ABCC5: variants seen among roughly 807,000 people sequenced by gnomAD.
The protein encoded by ABCC5 is ATP-binding cassette sub-family C member 5.
In ABCC5, 61 loss-of-function variants were observed where a neutral mutation model predicts 160.9. That is an observed-to-expected ratio of 0.38 (90% confidence interval 0.31 to 0.47). The LOEUF is 0.47. ABCC5 is among the 20% of genes least tolerant of loss of function. The pLI, the probability that ABCC5 is intolerant of heterozygous loss-of-function variation, is 0.99. For missense variants in ABCC5, 1,308 were observed against 1,813.3 expected (o/e 0.72, Z 5.06); for synonymous variants, 666 against 700.6 (o/e 0.95, Z 0.78).
intron 10 of ABCC5, among the ~76,000 whole-genome samples, chr3:183,976,081 C>A (rs1718188957): frequency 6.7e-6 from 1 of 149,748 alleles, no homozygotes; most frequent in African/African-American, 2.5e-5. Flanking sequence ...CATTTTTTTT[C>A]ATATGACTCA....
chr3:183,978,370 C>A, intron 9 of ABCC5, 133 bp downstream of exon 9: 1 of 1,014,562 alleles, frequency 9.9e-7, no homozygotes, highest in Non-Finnish European at 1.4e-6. Context: ...GCTCTGTCCC[C>A]CAGGCTGGAG....
chr3:183,924,309 C>T (rs952820648), intron 29 of ABCC5, among the ~76,000 whole-genome samples: 8 of 152,120 alleles, frequency 5.3e-5, no homozygotes, highest in Admixed American at 1.3e-4. Flanking sequence ...CATGAGCCAC[C>T]GTGCCCGGCC....
chr3:183,936,964 A>G (rs1156316263), intron 26 of ABCC5, among the ~76,000 whole-genome samples: 1 of 152,234 alleles, frequency 6.6e-6, no homozygotes, highest in African/African-American at 2.4e-5. Context: ...GAAGGATTTT[A>G]TCTCTGGCAA....
intron 8 of ABCC5, among the ~76,000 whole-genome samples, chr3:183,980,867 C>T (rs772564118): frequency 4.6e-5 from 7 of 152,040 alleles, no homozygotes; most frequent in Non-Finnish European, 1.0e-4. Context: ...CATGCACCAC[C>T]ACACCCAGCT....
At position 183,928,717 on chromosome 3, in the gene ABCC5, A is replaced by C. The variant is rs767707332; in HGVS notation, c.3933+30T>G. On this transcript the variant is annotated intron_variant, in intron 27 of 29. Transcript: ENST00000334444. ...GCTGTGCTTCCACCCTCACCATCTCAGCACGGCTTCCCCTAAGCTCTTCAC... is the reference window on the plus strand; with the variant it reads ...GCTGTGCTTCCACCCTCACCATCTCCGCACGGCTTCCCCTAAGCTCTTCAC... The C allele has an allele frequency of 4.4e-6, 7 of 1,604,944 alleles. No individual in the cohort carries two copies. In the South Asian group the frequency reaches 7.7e-5, roughly 18 times the overall value.
rs1189110337 is a variant in ABCC5, at chr3:183,958,007, C to T, written c.2482+1726G>A. Among the ~76,000 whole-genome samples, 4 of 151,448 alleles carry T rather than the reference C, an allele frequency of 2.6e-5. 1 individual carries two copies. Among genetic ancestry groups the T allele is most frequent in the South Asian group, 4.2e-4 (2 of 4,808 alleles). On this transcript the variant is annotated intron_variant, in intron 17 of 29. Transcript: ENST00000334444. ...ACATCACATCGGTTACATGCAGATC[C>T]GTGTGTACATCACATCGGTTACATG...
chr3:183,976,021 C>T (rs974547393), intron 10 of ABCC5, among the ~76,000 whole-genome samples: 5 of 151,870 alleles, frequency 3.3e-5, no homozygotes, highest in African/African-American at 9.7e-5. Flanking sequence ...CTTTCATCCA[C>T]GACTGGTTAT....
chr3:183,980,957 C>T (rs1172372500), intron 8 of ABCC5, among the ~76,000 whole-genome samples: 1 of 152,070 alleles, frequency 6.6e-6, no homozygotes, highest in Non-Finnish European at 1.5e-5. Context: ...AGGTGATCCA[C>T]GTAACTCAGC....
In ABCC5 at chr3:184,014,169, G is replaced by A. The variant is rs867664012; in HGVS notation, c.129+95C>T. ...TTTATAGGCGTGAGCCACCGCGCCC[G>A]GCCAAAAAATAAGTTTCTAAATTAC... On this transcript the variant is annotated intron_variant, in intron 2 of 29. Coordinates refer to ENST00000334444, the MANE Select transcript of ABCC5 (RefSeq NM_005688.4). 53 of 1,267,222 alleles carry A rather than the reference G, an allele frequency of 4.2e-5. 1 individual carries two copies. In the Middle Eastern group the frequency reaches 6.5e-3, roughly 156 times the overall value. 78.5% of individuals were successfully genotyped at this position (1,267,222 alleles called of 1,614,324 possible). A position where few individuals can be genotyped will look rare whatever the true frequency, so the allele number is the denominator to read the frequency against.
At chr3:183,976,814 A>G (rs3792582) in intron 10 of ABCC5, among the ~76,000 whole-genome samples, 34,865 of 152,142 alleles carry the variant, frequency 0.23, 4,940 homozygotes, top group Middle Eastern at 0.33. Flanking sequence ...CAGTGGCAAC[A>G]TCAAGGAATT....
At chr3:183,995,979 T>C (rs1385320392) in intron 2 of ABCC5, among the ~76,000 whole-genome samples, 1 of 152,106 alleles carries the variant, frequency 6.6e-6, no homozygotes, top group Non-Finnish European at 1.5e-5. Flanking sequence ...GGCTAATTTT[T>C]TGTATTTTTA....
chr3:183,957,404 GTA>G (rs2108808967), intron 17 of ABCC5, among the ~76,000 whole-genome samples: 1 of 134,522 alleles, frequency 7.4e-6, no homozygotes, highest in South Asian at 2.4e-4. Context: ...TTATCCGTGT[GTA>G]TATCACATCG....
rs1718341603 is a variant in ABCC5 at position 183,977,682 on chromosome 3, C to T, written c.1297-58G>A. The stretch of plus-strand genomic sequence containing the variant: ...AATGATGCTATGCAACTGAAGTAAC[C>T]TGACACCATGAATTTCCTCTCAGGC... On this transcript the variant is annotated intron_variant, in intron 9 of 29. Transcript: ENST00000334444. The T allele has an allele frequency of 1.3e-5, 16 of 1,228,820 alleles. No individual in the cohort carries two copies. The South Asian group carries it at 2.0e-4, about 15-fold the overall frequency. 76.1% of individuals were successfully genotyped at this position (1,228,820 alleles called of 1,614,324 possible).
chr3:183,937,169 G>A (rs577378636), intron 26 of ABCC5, among the ~76,000 whole-genome samples: 38 of 152,302 alleles, frequency 2.5e-4, no homozygotes, highest in Non-Finnish European at 5.3e-4. Context: ...TTGAGGTCAG[G>A]CGTTCAAGGC....
intron 26 of ABCC5, among the ~76,000 whole-genome samples, chr3:183,931,782 G>A (rs1713205152): frequency 1.3e-5 from 2 of 152,242 alleles, no homozygotes; most frequent in South Asian, 4.1e-4. Context: ...TCAACAGGGA[G>A]CTCAATCAGG....
At chr3:184,011,725 A>G (rs1429901989) in intron 2 of ABCC5, among the ~76,000 whole-genome samples, 5 of 152,254 alleles carry the variant, frequency 3.3e-5, no homozygotes. Flanking sequence ...AATACAAAGG[A>G]AAGAACTATT....
At chr3:183,984,763 A>C in intron 5 of ABCC5, 4 of 1,541,882 alleles carry the variant, frequency 2.6e-6, no homozygotes, top group Non-Finnish European at 2.6e-6. Flanking sequence ...CCAGTATGCA[A>C]TCCAAAATGT....
chr3:183,999,572 G>A (rs1720574991), intron 2 of ABCC5, among the ~76,000 whole-genome samples: 1 of 151,984 alleles, frequency 6.6e-6, no homozygotes, highest in South Asian at 2.1e-4. Context: ...GAGCCCAGGA[G>A]TTCAAGACCA....
Position 183,977,730 on chromosome 3 carries a change from G to C in ABCC5, c.1297-106C>G, listed in dbSNP as rs938518189. 6.6e-5 allele frequency: 48 copies of C among 728,248 alleles called. No individual in the cohort carries two copies. In the African/African-American group the frequency reaches 8.0e-4, roughly 12 times the overall value. 45.1% of individuals were successfully genotyped at this position (728,248 alleles called of 1,614,324 possible). A position where few individuals can be genotyped will look rare whatever the true frequency, so the allele number is the denominator to read the frequency against. ...GGCGCTAGGAAGGCTGCAACTTCAC[G>C]GTCAGCTGTTATTACAAGTCAATTA... is the stretch of plus-strand genomic sequence containing the variant. On this transcript the variant is annotated intron_variant, in intron 9 of 29. Coordinates refer to ENST00000334444, the MANE Select transcript of ABCC5 (RefSeq NM_005688.4).
Sources: allele counts gnomAD v4.1 joint callset (sites outside exome capture counted in the v4.1 genomes callset), GRCh38; gene constraint gnomAD v4.1.1; transcripts MANE v1.5; gene names NCBI Gene and HGNC (gene_info 2026-07-23, HGNC 2026-07-21).